The following SNX13 variants were observed in gnomAD, a reference collection of about 807,000 sequenced individuals.
The protein encoded by SNX13 is sorting nexin-13.
A neutral mutation model predicts 133.6 loss-of-function variants in SNX13; 45 were observed. That is an observed-to-expected ratio of 0.34 (90% CI 0.27 to 0.43). The LOEUF is 0.43. Among genes scored for constraint, SNX13 ranks in the 20% least tolerant of loss-of-function variants. The pLI is 1.00. For synonymous variants in SNX13, 414 were observed against 373.9 expected, an observed-to-expected ratio of 1.11 and a Z score of -1.24; for missense variants, 1,032 against 1,145.1, an observed-to-expected ratio of 0.90 and a Z score of 1.43.
At position 17,832,449 on chromosome 7, in the gene SNX13, T is replaced by C. The variant is rs956146923; in HGVS notation, c.1597+1603A>G. 7.1e-6 allele frequency: 7 copies of C among 984,386 alleles called. No homozygotes were observed. The African/African-American group carries it at 1.2e-4, about 17-fold the overall frequency. 61.0% of individuals were successfully genotyped at this position (984,386 alleles called of 1,614,324 possible). A position where few individuals can be genotyped will look rare whatever the true frequency, so the allele number is the denominator to read the frequency against. ...ACACAATTATTTGGTTATGACTTTG[T>C]CTTCTCTCTTTCTGAGTCACCTAGC... On this transcript the variant is annotated intron_variant, in intron 15 of 25. Transcript: ENST00000428135.
At chr7:17,829,265 TCC>T (rs761586612) in intron 16 of SNX13, among the ~76,000 whole-genome samples, 1 of 151,442 alleles carries the variant, frequency 6.6e-6, no homozygotes, top group Non-Finnish European at 1.5e-5. Flanking sequence ...TACCTGTTTT[TCC>T]CCTCCCCAAC....
chr7:17,807,262 C>A (rs1181530731), intron 20 of SNX13, among the ~76,000 whole-genome samples: 2 of 151,806 alleles, frequency 1.3e-5, no homozygotes, highest in African/African-American at 4.8e-5. Flanking sequence ...GACACTCGAG[C>A]TTGGTGGGGG....
At chr7:17,927,734 T>C (rs967846860) in intron 1 of SNX13, among the ~76,000 whole-genome samples, 1 of 152,212 alleles carries the variant, frequency 6.6e-6, no homozygotes, top group Non-Finnish European at 1.5e-5. Flanking sequence ...TTGGGCCACA[T>C]GATAGTACTT....
At chr7:17,843,886 G>A (rs972957768) in intron 12 of SNX13, among the ~76,000 whole-genome samples, 1 of 151,838 alleles carries the variant, frequency 6.6e-6, no homozygotes, top group African/African-American at 2.4e-5. Context: ...AATCACAAGA[G>A]AAATTAGAAA....
rs1284365144 is a variant in SNX13, at chr7:17,870,953, T to C, written c.754-2463A>G. Among the ~76,000 whole-genome samples the C allele has an allele frequency of 4.6e-5, 7 of 152,042 alleles. No homozygotes were observed. In the Middle Eastern group the frequency reaches 0.01, roughly 223 times the overall value. ...TAAGGAAGCGACATGTAGTGAGATA[T>C]GAAGAATGAATACAATTTAGCTGAT... On this transcript the variant is annotated intron_variant, in intron 8 of 25. Coordinates refer to ENST00000428135, the MANE Select transcript of SNX13 (RefSeq NM_015132.5).
chr7:17,910,744 A>G (rs1191692087), intron 1 of SNX13, among the ~76,000 whole-genome samples: 1 of 152,230 alleles, frequency 6.6e-6, no homozygotes, highest in Non-Finnish European at 1.5e-5. Context: ...AGTACATGCT[A>G]TAATATGAAT....
intron 11 of SNX13, among the ~76,000 whole-genome samples, chr7:17,846,754 G>T (rs562360865): frequency 2.0e-5 from 3 of 152,014 alleles, no homozygotes; most frequent in Non-Finnish European, 4.4e-5. Flanking sequence ...TAGATGTCTG[G>T]TAGAGAGCAA....
At position 17,793,720 on chromosome 7, in the gene SNX13, T is replaced by C. The variant is rs75078641; in HGVS notation, c.*325A>G. 5.4e-3 allele frequency: 1,164 copies of C among 216,656 alleles called. 32 individuals carry two copies. In the East Asian group the frequency reaches 0.057, roughly 11 times the overall value. The allele number at this position is 216,656 out of a possible 1,614,324, so 13.4% of individuals were successfully genotyped here. On this transcript the variant is annotated 3_prime_UTR_variant, in exon 26 of 26. Transcript: ENST00000428135. ...TTGTGCTTTCCTTAGCTTTCATATA[T>C]ACACTCTGGCACTTTGTCATTGCTG...
chr7:17,925,207 C>T (rs1461072403), intron 1 of SNX13, among the ~76,000 whole-genome samples: 1 of 152,062 alleles, frequency 6.6e-6, no homozygotes, highest in East Asian at 1.9e-4. Flanking sequence ...AAGTGAGACT[C>T]CGTCTCAAAA....
At chr7:17,826,605 G>GA (rs1318804304) in intron 16 of SNX13, among the ~76,000 whole-genome samples, 1 of 151,972 alleles carries the variant, frequency 6.6e-6, no homozygotes, top group Admixed American at 6.6e-5. Context: ...AAGACATTTA[G>GA]AAAACTGCCT....
chr7:17,911,624 C>G (rs1449264697), intron 1 of SNX13, among the ~76,000 whole-genome samples: 2 of 127,840 alleles, frequency 1.6e-5, no homozygotes, highest in African/African-American at 6.5e-5. Context: ...GGCAACAGAG[C>G]GAGACTCTGT....
At chr7:17,826,190 C>CCTG in intron 16 of SNX13, 99 bp from the exon 17 acceptor site, 1 of 655,594 alleles carries the variant, frequency 1.5e-6, no homozygotes, top group East Asian at 2.8e-5. Flanking sequence ...TACTCATTTC[C>CCTG]CTGCATGTAA....
intron 9 of SNX13, among the ~76,000 whole-genome samples, chr7:17,865,233 C>A (rs939046690): frequency 6.6e-6 from 1 of 152,142 alleles, no homozygotes; most frequent in Non-Finnish European, 1.5e-5. Context: ...ACAATCCACT[C>A]ATATCTTTAG....
intron 15 of SNX13, chr7:17,830,919 C>T (rs1391072251): frequency 6.1e-6 from 6 of 984,262 alleles, no homozygotes; most frequent in Non-Finnish European, 7.2e-6. Flanking sequence ...CTGATATTGC[C>T]TTCCAAATTT....
chr7:17,811,217 T>C (rs1410847688), intron 20 of SNX13, among the ~76,000 whole-genome samples: 1 of 152,240 alleles, frequency 6.6e-6, no homozygotes, highest in Non-Finnish European at 1.5e-5. Flanking sequence ...AAATTATCTC[T>C]GTTTGCAGAT....
At chr7:17,882,734 G>C in intron 5 of SNX13, 2 of 1,061,276 alleles carry the variant, frequency 1.9e-6, no homozygotes, top group Non-Finnish European at 2.4e-6. Flanking sequence ...GTAACAACCT[G>C]ACCAGAGAAT....
intron 1 of SNX13, among the ~76,000 whole-genome samples, chr7:17,910,739 A>G (rs1489378420): frequency 6.6e-6 from 1 of 152,228 alleles, no homozygotes; most frequent in Non-Finnish European, 1.5e-5. Flanking sequence ...GTACTAGTAC[A>G]TGCTATAATA....
intron 22 of SNX13, among the ~76,000 whole-genome samples, chr7:17,801,172 T>C (rs1221429147): frequency 6.6e-6 from 1 of 151,212 alleles, no homozygotes; most frequent in African/African-American, 2.4e-5. Flanking sequence ...TTGTACTATA[T>C]TTACAAAATG....
chr7:17,863,605 C>G (rs574605461), intron 9 of SNX13, among the ~76,000 whole-genome samples: 3 of 152,294 alleles, frequency 2.0e-5, no homozygotes, highest in South Asian at 4.1e-4. Context: ...TAAGACAGAC[C>G]CAGTCCCTAG....
Sources: allele counts gnomAD v4.1 joint callset (sites outside exome capture counted in the v4.1 genomes callset), GRCh38; gene constraint gnomAD v4.1.1; transcripts MANE v1.5; gene names NCBI Gene and HGNC (gene_info 2026-07-23, HGNC 2026-07-21).